The following SARS1 variants were observed in gnomAD, a reference collection of about 807,000 sequenced individuals.
SARS1 encodes the protein seryl-tRNA synthetase 1.
SARS1 carries 25 observed loss-of-function variants against 63.7 expected under a neutral mutation model. That is an observed-to-expected ratio of 0.39 (90% CI 0.29 to 0.55). SARS1 has a LOEUF of 0.55. Among genes scored for constraint, SARS1 ranks in the 20% least tolerant of loss-of-function variants. The pLI is 0.62. For missense variants in SARS1, 417 were observed against 649.7 expected, an observed-to-expected ratio of 0.64 and a Z score of 3.89; for synonymous variants, 231 against 243.5, an observed-to-expected ratio of 0.95 and a Z score of 0.48.
chr1:109,220,470 A>C (rs1156663093), intron 1 of SARS1, among the ~76,000 whole-genome samples: 1 of 152,250 alleles, frequency 6.6e-6, no homozygotes, highest in East Asian at 1.9e-4. Flanking sequence ...TGGTGACTAA[A>C]GATACTGAGC....
chr1:109,217,709 C>T (rs1229012945), intron 1 of SARS1, among the ~76,000 whole-genome samples: 2 of 151,940 alleles, frequency 1.3e-5, no homozygotes, highest in African/African-American at 4.8e-5. Context: ...CACAGGTGTG[C>T]ACCACCATGC....
At chr1:109,222,175 T>C (rs987905275) in intron 1 of SARS1, among the ~76,000 whole-genome samples, 1 of 151,314 alleles carries the variant, frequency 6.6e-6, no homozygotes, top group African/African-American at 2.4e-5. Context: ...TATTTTCTTT[T>C]ATACTCCCAA....
At chr1:109,231,075 A>ATT in intron 5 of SARS1, 54 bp downstream of exon 5, 1 of 992,848 alleles carries the variant, frequency 1.0e-6, no homozygotes, top group Non-Finnish European at 1.3e-6. Context: ...CAAAATATAT[A>ATT]TATATATATT....
intron 2 of SARS1, 82 bp from the exon 3 acceptor site, chr1:109,228,270 C>T (rs533290523): frequency 5.3e-5 from 54 of 1,010,070 alleles, no homozygotes; most frequent in Admixed American, 5.2e-4. Flanking sequence ...TTATATAATA[C>T]GTTAATTTGG....
At chr1:109,233,842 G>A (rs994162580) in intron 6 of SARS1, among the ~76,000 whole-genome samples, 30 of 144,644 alleles carry the variant, frequency 2.1e-4, no homozygotes, top group East Asian at 1.6e-3. Flanking sequence ...GATTACAGGC[G>A]TCGCCACCAC....
intron 6 of SARS1, among the ~76,000 whole-genome samples, chr1:109,233,692 TTTTA>T (rs1178625768): frequency 2.0e-5 from 3 of 151,712 alleles, no homozygotes; most frequent in African/African-American, 4.8e-5. Flanking sequence ...TAATTTTTAT[TTTTA>T]TTTATTTATT....
intron 1 of SARS1, chr1:109,216,476 C>T (rs1214307842): frequency 1.1e-5 from 11 of 985,332 alleles, no homozygotes; most frequent in Non-Finnish European, 1.2e-5. Context: ...TGATCCTACA[C>T]TTGGGCATAT....
At chr1:109,236,994 C>G in intron 9 of SARS1, 2 of 1,331,706 alleles carry the variant, frequency 1.5e-6, no homozygotes, top group South Asian at 1.5e-5. Context: ...CTCAAAGGGC[C>G]CAACTCTCAG....
At position 109,237,996 on chromosome 1, in the gene SARS1, T is replaced by G; in HGVS notation, c.*108T>G. 4 of 1,261,334 alleles carry G rather than the reference T, an allele frequency of 3.2e-6. No individual in the cohort carries two copies. The highest frequency in any genetic ancestry group is 4.4e-6 in the Non-Finnish European group (4 of 898,892). The allele number at this position is 1,261,334 out of a possible 1,614,324, so 78.1% of individuals were successfully genotyped here. ...ACCCATTCATCCCCCTGCCCCCATCTGACTGCGTAGCTGAGAGGGGAACAG... is the reference window on the plus strand; with the variant it reads ...ACCCATTCATCCCCCTGCCCCCATCGGACTGCGTAGCTGAGAGGGGAACAG... On this transcript the variant is annotated 3_prime_UTR_variant, in exon 11 of 11. Coordinates refer to ENST00000234677, the MANE Select transcript of SARS1 (RefSeq NM_006513.4). This position sits in a 1 kb window ranked among gnomAD's most constrained non-coding sequence, Gnocchi z 4.1.
chr1:109,217,181 A>C (rs548518128), intron 1 of SARS1: 2 of 965,674 alleles, frequency 2.1e-6, no homozygotes, highest in African/African-American at 3.5e-5. Flanking sequence ...TTGACTTAGG[A>C]TGGGTTTATG....
rs1182482051 is a variant in SARS1, at chr1:109,235,464, T to G, written c.969+33T>G. ...GATGGGTCAGGGTAAGGAGTGGAAC[T>G]TTCTCTGTCTCCAGAATGGTTAGAT... On this transcript the variant is annotated intron_variant, in intron 7 of 10. Transcript: ENST00000234677. The surrounding 1 kb of genome is among the most constrained non-coding windows in gnomAD (Gnocchi z 4.7). 6.5e-7 allele frequency: 1 copy of G among 1,536,612 alleles called. No individual in the cohort carries two copies. The highest frequency in any genetic ancestry group is 1.1e-5 in the South Asian group (1 of 89,044).
intron 2 of SARS1, among the ~76,000 whole-genome samples, chr1:109,226,340 A>C (rs1330210964): frequency 6.8e-6 from 1 of 147,668 alleles, no homozygotes; most frequent in Non-Finnish European, 1.5e-5. Flanking sequence ...TAGGAGATTT[A>C]GTCCTTTTGT....
chr1:109,231,655 G>C lies in SARS1; in HGVS notation c.616G>C (p.Ala206Pro). ...LKGVLVFLEQ[A>P]LIQYALRTLG... ...GGGGGTCCTGGTGTTCCTGGAACAG[G>C]CTCTCATCCAGTATGCCCTTCGCAC... The change falls in exon 6 of 11, where the codon GCT (alanine) becomes CCT (proline). Residue 206 changes from alanine (A) to proline (P), a missense_variant. Ala to Pro is a conservative substitution (Grantham distance 27). This residue lies in a region of SARS1 where 359 missense variants were observed against 529.6 expected (regional missense o/e 0.68). Coordinates refer to ENST00000234677, the MANE Select transcript of SARS1 (RefSeq NM_006513.4). 1 of 1,562,218 alleles carries C rather than the reference G, an allele frequency of 6.4e-7. No homozygotes were observed. The highest frequency in any genetic ancestry group is 8.6e-7 in the Non-Finnish European group (1 of 1,157,508).
rs1285938249 is a variant in SARS1, at chr1:109,237,973, C to G, written c.*85C>G. 5 of 1,462,634 alleles carry G rather than the reference C, an allele frequency of 3.4e-6. No homozygotes were observed. The East Asian group carries it at 9.6e-5, about 28-fold the overall frequency. 90.6% of individuals were successfully genotyped at this position (1,462,634 alleles called of 1,614,324 possible). A position where few individuals can be genotyped will look rare whatever the true frequency, so the allele number is the denominator to read the frequency against. ...GCCCAACAGCAGGGAAGCCAAGCACCCATTCATCCCCCTGCCCCCATCTGA... is the reference window on the plus strand; with the variant it reads ...GCCCAACAGCAGGGAAGCCAAGCACGCATTCATCCCCCTGCCCCCATCTGA... On this transcript the variant is annotated 3_prime_UTR_variant, in exon 11 of 11. Transcript: ENST00000234677. The surrounding 1 kb of genome is among the most constrained non-coding windows in gnomAD (Gnocchi z 4.1).
intron 6 of SARS1, among the ~76,000 whole-genome samples, chr1:109,232,702 C>A (rs999797263): frequency 1.3e-5 from 2 of 152,192 alleles, no homozygotes; most frequent in African/African-American, 4.8e-5. Context: ...TCTCTTCTTT[C>A]TTTTAATGAA....
chr1:109,216,205 G>C (rs1654781481), intron 1 of SARS1: 5 of 985,312 alleles, frequency 5.1e-6, no homozygotes, highest in Non-Finnish European at 6.0e-6. Context: ...TCATTGCCTT[G>C]AGCAAGGGCT....
chr1:109,221,598 A>T (rs1337791685), intron 1 of SARS1, among the ~76,000 whole-genome samples: 1 of 152,172 alleles, frequency 6.6e-6, no homozygotes, highest in Non-Finnish European at 1.5e-5. Flanking sequence ...AAATAACTGG[A>T]TACAATACAC....
intron 9 of SARS1, chr1:109,236,994 CCAACT>C (rs1337941981): frequency 1.5e-6 from 2 of 1,331,706 alleles, no homozygotes; most frequent in East Asian, 5.7e-5. Flanking sequence ...CTCAAAGGGC[CCAACT>C]CTCAGAATAC....
At chr1:109,216,437 TTTC>T in intron 1 of SARS1, 1 of 985,308 alleles carries the variant, frequency 1.0e-6, no homozygotes, top group South Asian at 4.7e-5. Context: ...TTGAATGTGA[TTTC>T]TTCTTTTTAA....
Sources: allele counts gnomAD v4.1 joint callset (sites outside exome capture counted in the v4.1 genomes callset), GRCh38; gene constraint gnomAD v4.1.1; regional missense constraint gnomAD v4.1.1; non-coding constraint Gnocchi (gnomAD v3.1); transcripts MANE v1.5; gene names NCBI Gene and HGNC (gene_info 2026-07-23, HGNC 2026-07-21).